ANKFN1: variants seen among roughly 807,000 people sequenced by gnomAD.
The protein encoded by ANKFN1 is ankyrin repeat and fibronectin type-III domain-containing protein 1.
In ANKFN1, 74 loss-of-function variants were observed where a neutral mutation model predicts 108.7. The ratio of observed to expected loss-of-function variants is 0.68; its 90% CI spans 0.56 to 0.83. The LOEUF is 0.83. Among genes scored for constraint, ANKFN1 ranks in the 40% least tolerant of loss-of-function variants. The probability of loss-of-function intolerance (pLI) is 0.00; values close to 1 mark genes in which losing one functional copy is unlikely to be tolerated. For missense variants in ANKFN1, 1,505 were observed against 1,382.3 expected (o/e 1.09, Z -1.41); for synonymous variants, 547 against 516.2 (o/e 1.06, Z -0.81).
intron 2 of ANKFN1, among the ~76,000 whole-genome samples, chr17:56,215,081 T>A (rs755849831): frequency 3.4e-4 from 51 of 152,200 alleles, no homozygotes; most frequent in Non-Finnish European, 5.9e-4. Flanking sequence ...TGTTCACTTA[T>A]GGTTATCTAT....
At position 56,466,387 on chromosome 17, in the gene ANKFN1, T is replaced by G; in HGVS notation, c.1589T>G (p.Val530Gly). ...NLLGTHNLGR[V>G]YYEPIKDRHG... is the part of the protein sequence containing the mutation. ...CTTGGGACACACAACTTGGGAAGAG[T>G]TTACTATGAGCCCATTAAAGATCGA... The change falls in exon 15 of 21, where the codon GTT (valine) becomes GGT (glycine). Residue 530 changes from valine (V) to glycine (G), a missense_variant. Transcript: ENST00000682825. The G allele has an allele frequency of 6.2e-7, 1 of 1,614,132 alleles. No homozygotes were observed. The highest frequency in any genetic ancestry group is 8.5e-7 in the Non-Finnish European group (1 of 1,179,992).
At chr17:56,246,989 C>G (rs1410909117) in intron 3 of ANKFN1, among the ~76,000 whole-genome samples, 1 of 152,110 alleles carries the variant, frequency 6.6e-6, no homozygotes, top group African/African-American at 2.4e-5. Flanking sequence ...TAGCTTATGT[C>G]AAAAGAACAT....
intron 1 of ANKFN1, among the ~76,000 whole-genome samples, chr17:56,193,174 T>A (rs1349660559): frequency 1.8e-5 from 2 of 112,426 alleles, no homozygotes; most frequent in African/African-American, 7.4e-5. Context: ...ACACCGCATA[T>A]TCTCACTCAT....
chr17:56,278,156 C>T (rs1805079924), intron 3 of ANKFN1, among the ~76,000 whole-genome samples: 1 of 152,200 alleles, frequency 6.6e-6, no homozygotes, highest in Non-Finnish European at 1.5e-5. Flanking sequence ...ATGATCAAAG[C>T]AGCTTATATC....
At chr17:56,379,021 C>T (rs377100938) in intron 8 of ANKFN1, among the ~76,000 whole-genome samples, 4 of 152,262 alleles carry the variant, frequency 2.6e-5, no homozygotes, top group South Asian at 4.1e-4. Context: ...TCAAGAATAG[C>T]TTTTCTGACA....
At chr17:56,457,718 A>G in intron 13 of ANKFN1, 145 bp from the exon 14 acceptor site, 3 of 686,294 alleles carry the variant, frequency 4.4e-6, no homozygotes, top group East Asian at 2.5e-5. Flanking sequence ...GACAGAGATC[A>G]AAAAGTTGTT....
chr17:56,457,746 T>C, intron 13 of ANKFN1, 117 bp from the exon 14 acceptor site: 1 of 752,750 alleles, frequency 1.3e-6, no homozygotes, highest in Non-Finnish European at 2.2e-6. Context: ...TGTCTGAAAA[T>C]GGACTGGAGA....
chr17:56,174,027 C>T (rs1238016075), intron 1 of ANKFN1: 3 of 264,418 alleles, frequency 1.1e-5, no homozygotes, highest in Non-Finnish European at 1.8e-5. Context: ...TGGGGCCAGG[C>T]AGGTCCATGC....
At chr17:56,241,531 G>A (rs531968762) in intron 3 of ANKFN1, among the ~76,000 whole-genome samples, 1 of 152,022 alleles carries the variant, frequency 6.6e-6, no homozygotes, top group African/African-American at 2.4e-5. Flanking sequence ...TGACCCAAAG[G>A]CACATTCTCT....
At chr17:56,322,661 C>T (rs990107812) in intron 3 of ANKFN1, among the ~76,000 whole-genome samples, 1 of 152,208 alleles carries the variant, frequency 6.6e-6, no homozygotes, top group African/African-American at 2.4e-5. Flanking sequence ...TGACGCCGAA[C>T]CTGTTTCTTC....
chr17:56,516,860 T>C lies in ANKFN1; in HGVS notation c.*5591T>C, dbSNP rs561088699. Among the ~76,000 whole-genome samples the C allele has an allele frequency of 1.4e-4, 22 of 152,336 alleles. No individual in the cohort carries two copies. In the South Asian group the frequency reaches 3.3e-3, roughly 23 times the overall value. On this transcript the variant is annotated 3_prime_UTR_variant, in exon 21 of 21. Transcript: ENST00000682825. ...TCATAAGCATTAATTATACTTTATG[T>C]CTTACCTAATATTGTTGATATCTAA...
intron 15 of ANKFN1, among the ~76,000 whole-genome samples, chr17:56,473,810 T>C (rs2050406785): frequency 1.3e-5 from 2 of 151,562 alleles, no homozygotes; most frequent in South Asian, 2.1e-4. Context: ...AGATGCTCAG[T>C]AATAGTCTTA....
intron 4 of ANKFN1, among the ~76,000 whole-genome samples, chr17:56,136,042 G>A (rs1907582722): frequency 6.6e-6 from 1 of 152,136 alleles, no homozygotes. Flanking sequence ...GAGATTTTTA[G>A]GGGCCATCAC....
At chr17:56,143,908 C>A (rs1178394408) in intron 4 of ANKFN1, among the ~76,000 whole-genome samples, 2 of 152,158 alleles carry the variant, frequency 1.3e-5, no homozygotes, top group African/African-American at 4.8e-5. Context: ...ACCAACCTTG[C>A]TGACGCCTGG....
chr17:56,127,471 A>G (rs1907005837), intron 4 of ANKFN1, among the ~76,000 whole-genome samples: 1 of 151,996 alleles, frequency 6.6e-6, no homozygotes, highest in Non-Finnish European at 1.5e-5. Context: ...GTACCACCAC[A>G]CCCAGCTAAT....
chr17:56,265,382 C>A (rs2043622480), intron 3 of ANKFN1, among the ~76,000 whole-genome samples: 1 of 152,168 alleles, frequency 6.6e-6, no homozygotes, highest in Admixed American at 6.5e-5. Context: ...ACTTTTAAAA[C>A]CATCAGTTCT....
intron 3 of ANKFN1, among the ~76,000 whole-genome samples, chr17:56,307,311 T>G (rs565074177): frequency 6.6e-6 from 1 of 151,932 alleles, no homozygotes; most frequent in African/African-American, 2.4e-5. Context: ...TGGGAGAAAA[T>G]TTTTGCAATC....
At chr17:56,466,930 C>A (rs1339709032) in intron 15 of ANKFN1, among the ~76,000 whole-genome samples, 1 of 151,970 alleles carries the variant, frequency 6.6e-6, no homozygotes, top group African/African-American at 2.4e-5. Context: ...CATGGTGAAA[C>A]CCCATCTCTA....
At chr17:56,358,041 G>A (rs2046419831) in intron 6 of ANKFN1, among the ~76,000 whole-genome samples, 1 of 152,278 alleles carries the variant, frequency 6.6e-6, no homozygotes, top group South Asian at 2.1e-4. Flanking sequence ...TTGTGAGAAA[G>A]CTTTGGCATG....
Sources: allele counts gnomAD v4.1 joint callset (sites outside exome capture counted in the v4.1 genomes callset), GRCh38; gene constraint gnomAD v4.1.1; transcripts MANE v1.5; gene names NCBI Gene and HGNC (gene_info 2026-07-23, HGNC 2026-07-21).